VWCE: variants seen among roughly 807,000 people sequenced by gnomAD.
VWCE encodes von Willebrand factor C and EGF domain-containing protein.
A neutral mutation model predicts 102.9 loss-of-function variants in VWCE; 68 were observed. The ratio of observed to expected loss-of-function variants is 0.66; its 90% CI spans 0.54 to 0.81. VWCE has a LOEUF of 0.81. Ranked by LOEUF, VWCE falls within the 30% of genes least tolerant of loss-of-function variation. The pLI, the probability that VWCE is intolerant of heterozygous loss-of-function variation, is 0.00. For synonymous variants in VWCE, 497 were observed against 515.4 expected (o/e 0.96, Z 0.48); for missense variants, 1,137 against 1,263.6 (o/e 0.90, Z 1.52).
intron 11 of VWCE, 116 bp from the exon 12 acceptor site, chr11:61,274,700 A>G (rs1259653825): frequency 3.9e-6 from 3 of 770,368 alleles, no homozygotes. Flanking sequence ...ACAACACTCC[A>G]CAGCATGCTC....
At chr11:61,274,844 T>C (rs1854855519) in intron 11 of VWCE, among the ~76,000 whole-genome samples, 1 of 152,132 alleles carries the variant, frequency 6.6e-6, no homozygotes, top group Non-Finnish European at 1.5e-5. Context: ...GGAGGATCTC[T>C]TGCAGCCAGG....
At chr11:61,260,675 T>C (rs572405661) in intron 19 of VWCE, among the ~76,000 whole-genome samples, 2 of 152,152 alleles carry the variant, frequency 1.3e-5, no homozygotes, top group Non-Finnish European at 2.9e-5. Flanking sequence ...AGAACCCTTA[T>C]ACTGGCCCAC....
chr11:61,277,107 TGAGA>T (rs1165561261), intron 10 of VWCE, among the ~76,000 whole-genome samples: 4 of 106,574 alleles, frequency 3.8e-5, no homozygotes, highest in Non-Finnish European at 7.2e-5. Flanking sequence ...AACAGAGAAG[TGAGA>T]GAGAAAGAAA....
At chr11:61,280,490 A>G (rs540509435) in intron 9 of VWCE, 134 bp downstream of exon 9, 852 of 879,196 alleles carry the variant, frequency 9.7e-4, no homozygotes, top group Non-Finnish European at 1.3e-3. Flanking sequence ...GAGCAGCGCC[A>G]AGGGAAGTGT....
chr11:61,280,709 C>T lies in VWCE; in HGVS notation c.1239G>A (p.Lys413=). The stretch of plus-strand genomic sequence containing the variant: ...CACACCTCACCTTTTCACAGGTCAC[C>T]TTCCCGTCCTAGAAGCACAAGCAGG... ...GCSQCWCEDG[K]VTCEKVRCEA... The change falls in exon 9 of 20, where the codon AAG becomes AAA. Residue 413 remains lysine (K), a synonymous_variant. Coordinates refer to ENST00000335613, the MANE Select transcript of VWCE (RefSeq NM_152718.2). 1 of 1,613,984 alleles carries T rather than the reference C, an allele frequency of 6.2e-7. No homozygotes were observed.
Position 61,295,041 on chromosome 11 carries a change from C to A in VWCE, c.-4G>T. On this transcript the variant is annotated 5_prime_UTR_variant, in exon 1 of 20. Transcript: ENST00000335613. This position sits in a 1 kb window ranked among gnomAD's most constrained non-coding sequence, Gnocchi z 4.6. ...GAAGGAGCAGTCCGGCCCACATGAC[C>A]GGCGGCGGCGGGTCCCCCGGGCTGG... 7.3e-7 allele frequency: 1 copy of A among 1,364,850 alleles called. No individual in the cohort carries two copies. The highest frequency in any genetic ancestry group is 9.5e-7 in the Non-Finnish European group (1 of 1,054,956). The allele number at this position is 1,364,850 out of a possible 1,614,324, so 84.5% of individuals were successfully genotyped here. A position where few individuals can be genotyped will look rare whatever the true frequency, so the allele number is the denominator to read the frequency against.
chr11:61,294,828 G>T lies in VWCE; in HGVS notation c.110+100C>A. ...AGCACCCCAGAGGAAGCCCCGACACGCGGCTGCCTGCGGCTCCTGAGCGCC... is the reference window on the plus strand; with the variant it reads ...AGCACCCCAGAGGAAGCCCCGACACTCGGCTGCCTGCGGCTCCTGAGCGCC... On this transcript the variant is annotated intron_variant, in intron 1 of 19. Transcript: ENST00000335613. This position sits in a 1 kb window ranked among gnomAD's most constrained non-coding sequence, Gnocchi z 6.3. 1 of 779,520 alleles carries T rather than the reference G, an allele frequency of 1.3e-6. No individual in the cohort carries two copies. The allele number at this position is 779,520 out of a possible 1,614,324, so 48.3% of individuals were successfully genotyped here.
At position 61,258,551 on chromosome 11, in the gene VWCE, C is replaced by T; in HGVS notation, c.*124G>A. 1 of 1,023,470 alleles carries T rather than the reference C, an allele frequency of 9.8e-7. No homozygotes were observed. The highest frequency in any genetic ancestry group is 1.3e-6 in the Non-Finnish European group (1 of 785,952). 63.4% of individuals were successfully genotyped at this position (1,023,470 alleles called of 1,614,324 possible). On this transcript the variant is annotated 3_prime_UTR_variant, in exon 20 of 20. Transcript: ENST00000335613. Reference sequence around the variant, plus strand: ...CAGCCTTGGGGGTCTTCCATCCTCACCAGGGCCCCTGCAGGAGGGAGCCCA... The same window carrying T: ...CAGCCTTGGGGGTCTTCCATCCTCATCAGGGCCCCTGCAGGAGGGAGCCCA...
In VWCE at chr11:61,295,240, G is replaced by A. The variant is rs1053580340; in HGVS notation, c.-203C>T. 1.0e-5 allele frequency: 4 copies of A among 382,112 alleles called. No individual in the cohort carries two copies. The highest frequency in any genetic ancestry group is 1.9e-5 in the Non-Finnish European group (4 of 216,138). The allele number at this position is 382,112 out of a possible 1,614,324, so 23.7% of individuals were successfully genotyped here. A position where few individuals can be genotyped will look rare whatever the true frequency, so the allele number is the denominator to read the frequency against. On this transcript the variant is annotated 5_prime_UTR_variant, in exon 1 of 20. Coordinates refer to ENST00000335613, the MANE Select transcript of VWCE (RefSeq NM_152718.2). This position sits in a 1 kb window ranked among gnomAD's most constrained non-coding sequence, Gnocchi z 4.6. ...CGAGGGGACGCGGCGGACGATTGTGGGGAGGGTCTCTGGCACCTCGAAGCG... is the reference window on the plus strand; with the variant it reads ...CGAGGGGACGCGGCGGACGATTGTGAGGAGGGTCTCTGGCACCTCGAAGCG...
intron 16 of VWCE, among the ~76,000 whole-genome samples, chr11:61,265,800 T>C (rs563378830): frequency 7.9e-5 from 12 of 152,222 alleles, no homozygotes; most frequent in African/African-American, 2.2e-4. Context: ...AATCCCAACA[T>C]TTTGGGAGGC....
At chr11:61,278,657 C>T (rs951547930) in intron 9 of VWCE, among the ~76,000 whole-genome samples, 181 bp from the exon 10 acceptor site, 3 of 152,138 alleles carry the variant, frequency 2.0e-5, no homozygotes, top group African/African-American at 7.2e-5. Flanking sequence ...GCCGTGGTGG[C>T]CCCAGAAGGG....
intron 10 of VWCE, among the ~76,000 whole-genome samples, chr11:61,278,105 G>C (rs944124493): frequency 6.6e-6 from 1 of 152,158 alleles, no homozygotes; most frequent in African/African-American, 2.4e-5. Context: ...CTTCCCTGGT[G>C]GGAAGTTTCC....
intron 15 of VWCE, 124 bp from the exon 16 acceptor site, chr11:61,267,668 C>T (rs1172907209): frequency 1.2e-6 from 1 of 831,200 alleles, no homozygotes; most frequent in Non-Finnish European, 2.0e-6. Flanking sequence ...CCCAGGCAGT[C>T]ACCCTGGGAG....
Position 61,261,535 on chromosome 11 carries a change from G to A in VWCE, c.2231-2223C>T, listed in dbSNP as rs550422722. Reference sequence around the variant, plus strand: ...AGGCGGGACGATTGCTTGAGTCCAGGAGTTGGGACCAGCCTGGGCAACATA... The same window carrying A: ...AGGCGGGACGATTGCTTGAGTCCAGAAGTTGGGACCAGCCTGGGCAACATA... On this transcript the variant is annotated intron_variant, in intron 19 of 19. Transcript: ENST00000335613. Among the ~76,000 whole-genome samples the A allele has an allele frequency of 4.0e-5, 6 of 151,884 alleles. No homozygotes were observed. The South Asian group carries it at 1.2e-3, about 31-fold the overall frequency.
intron 19 of VWCE, among the ~76,000 whole-genome samples, chr11:61,262,591 G>A (rs924512413): frequency 6.6e-6 from 1 of 152,182 alleles, no homozygotes; most frequent in Non-Finnish European, 1.5e-5. Flanking sequence ...TTACAATGAA[G>A]TACAATCTAT....
intron 11 of VWCE, among the ~76,000 whole-genome samples, chr11:61,276,054 C>T (rs1854894171): frequency 6.6e-6 from 1 of 152,222 alleles, no homozygotes; most frequent in South Asian, 2.1e-4. Flanking sequence ...CTCCCTCACT[C>T]CTCCACTCAC....
chr11:61,282,215 C>T (rs1046134058), intron 6 of VWCE, among the ~76,000 whole-genome samples: 1 of 152,198 alleles, frequency 6.6e-6, no homozygotes, highest in African/African-American at 2.4e-5. Flanking sequence ...ATGAGAAGCT[C>T]ATCTCCAAAC....
At chr11:61,260,236 C>T (rs577065777) in intron 19 of VWCE, among the ~76,000 whole-genome samples, 80 of 152,234 alleles carry the variant, frequency 5.3e-4, no homozygotes, top group African/African-American at 1.9e-3. Flanking sequence ...GCCTGGGAGA[C>T]AGAGCAGGAC....
At position 61,286,733 on chromosome 11, in the gene VWCE, G is replaced by A. The variant is rs925486334; in HGVS notation, c.425-303C>T. ...GGAGAATCGCTTGAACCCAGGAGGCGGAGGTTGCGGTGAGCCGAGATTGCG... is the reference window on the plus strand; with the variant it reads ...GGAGAATCGCTTGAACCCAGGAGGCAGAGGTTGCGGTGAGCCGAGATTGCG... On this transcript the variant is annotated intron_variant, in intron 4 of 19. Coordinates refer to ENST00000335613, the MANE Select transcript of VWCE (RefSeq NM_152718.2). Among the ~76,000 whole-genome samples the A allele has an allele frequency of 4.6e-5, 7 of 152,102 alleles. 1 individual carries two copies. Among genetic ancestry groups the A allele is most frequent in the Admixed American group, 3.3e-4 (5 of 15,284 alleles).
Sources: gnomAD v4.1 joint callset for allele counts (sites outside exome capture counted in the v4.1 genomes callset) on GRCh38, gnomAD v4.1.1 for gene constraint, Gnocchi (gnomAD v3.1) non-coding constraint, MANE v1.5 for transcripts, NCBI Gene and HGNC (gene_info 2026-07-23, HGNC 2026-07-21) for gene names.